Variants in ASTN2 observed in about 807,000 individuals in gnomAD.
ASTN2 encodes astrotactin 2.
A neutral mutation model predicts 139.8 loss-of-function variants in ASTN2; 54 were observed. The observed-to-expected ratio is 0.39, with a 90% CI of 0.31 to 0.48. ASTN2 has a LOEUF of 0.48. Ranked by LOEUF, ASTN2 falls within the 20% of genes least tolerant of loss-of-function variation. ASTN2 has a pLI of 0.95. For missense variants in ASTN2, 1,565 were observed against 1,725.1 expected, an observed-to-expected ratio of 0.91 and a Z score of 1.64; for synonymous variants, 756 against 719.5, an observed-to-expected ratio of 1.05 and a Z score of -0.81.
intron 1 of ASTN2, among the ~76,000 whole-genome samples, chr9:117,395,594 A>G (rs1485554423): frequency 1.3e-5 from 2 of 152,318 alleles, no homozygotes; most frequent in East Asian, 3.9e-4. Context: ...TTCTGTGTTC[A>G]TAAGTAGCCT....
intron 11 of ASTN2, among the ~76,000 whole-genome samples, chr9:116,825,035 T>C: frequency 6.6e-6 from 1 of 152,194 alleles, no homozygotes; most frequent in Non-Finnish European, 1.5e-5. Context: ...ACATCTAATG[T>C]ACTAGAAGAG....
intron 11 of ASTN2, among the ~76,000 whole-genome samples, chr9:116,836,880 A>C (rs1832012994): frequency 6.6e-6 from 1 of 150,788 alleles, no homozygotes; most frequent in African/African-American, 2.4e-5. Flanking sequence ...AGAGCTAAGA[A>C]TGGCTTTTAC....
At chr9:116,953,270 A>C (rs903451581) in intron 10 of ASTN2, among the ~76,000 whole-genome samples, 3 of 152,232 alleles carry the variant, frequency 2.0e-5, no homozygotes, top group Non-Finnish European at 4.4e-5. Flanking sequence ...TGGGGTGCCC[A>C]AAGCCACAAA....
At chr9:117,171,750 A>C (rs1177734456) in intron 3 of ASTN2, among the ~76,000 whole-genome samples, 1 of 152,008 alleles carries the variant, frequency 6.6e-6, no homozygotes, top group African/African-American at 2.4e-5. Context: ...CATAATTGTA[A>C]GTTTAAGTTT....
chr9:117,168,675 T>C (rs933082), intron 3 of ASTN2, among the ~76,000 whole-genome samples: 86,193 of 151,932 alleles, frequency 0.57, 24,521 homozygotes, highest in East Asian at 0.69. Flanking sequence ...GTATAAAGCC[T>C]TCAGTCATTA....
chr9:116,471,607 T>G (rs1848816505), intron 20 of ASTN2, among the ~76,000 whole-genome samples: 3 of 146,982 alleles, frequency 2.0e-5, no homozygotes, highest in African/African-American at 2.5e-5. Flanking sequence ...GTAAAGGGGG[T>G]GGAGGGAGGG....
chr9:116,823,359 T>C (rs952947379), intron 11 of ASTN2, among the ~76,000 whole-genome samples: 1 of 152,188 alleles, frequency 6.6e-6, no homozygotes, highest in African/African-American at 2.4e-5. Flanking sequence ...CACCCTGTCA[T>C]TTACTGACTG....
intron 16 of ASTN2, among the ~76,000 whole-genome samples, chr9:116,711,225 G>C (rs955579649): frequency 2.0e-5 from 3 of 152,096 alleles, no homozygotes; most frequent in Non-Finnish European, 2.9e-5. Flanking sequence ...CAATGAAATG[G>C]GCATATTAAC....
intron 13 of ASTN2, among the ~76,000 whole-genome samples, chr9:116,759,094 T>A (rs965204328): frequency 6.6e-6 from 1 of 152,006 alleles, no homozygotes; most frequent in Admixed American, 6.5e-5. Context: ...CCCAGGCTGG[T>A]CTCTAACTCC....
chr9:116,578,373 T>C (rs1387445355), intron 19 of ASTN2, among the ~76,000 whole-genome samples: 1 of 152,150 alleles, frequency 6.6e-6, no homozygotes, highest in Non-Finnish European at 1.5e-5. Context: ...ACGTCCTTTT[T>C]TCTAGAATTC....
intron 1 of ASTN2, among the ~76,000 whole-genome samples, chr9:117,350,728 T>C (rs894353505): frequency 2.0e-5 from 3 of 152,074 alleles, no homozygotes; most frequent in Non-Finnish European, 4.4e-5. Flanking sequence ...GGCTGGGAAA[T>C]GAAGACAATA....
intron 16 of ASTN2, among the ~76,000 whole-genome samples, chr9:116,723,243 AT>A (rs905045021): frequency 1.3e-5 from 2 of 152,044 alleles, no homozygotes; most frequent in African/African-American, 4.8e-5. Flanking sequence ...AATGCCCACA[AT>A]TTTTACTTTA....
rs57428022 is a variant in ASTN2 at position 117,374,369 on chromosome 9, TAAAAA to T, written c.442+40123_442+40127del. 1.1e-3 allele frequency among the ~76,000 whole-genome samples: 99 copies of T among 87,322 alleles called. 1 individual carries two copies. Among genetic ancestry groups the T allele is most frequent in the Middle Eastern group, 6.6e-3 (1 of 152 alleles). The allele number at this position is 87,322 out of a possible 152,430, so 57.3% of individuals were successfully genotyped here. On this transcript the variant is annotated intron_variant, in intron 1 of 22. Transcript: ENST00000313400. ...TTATGAGGCTGCATAAGGGCAGGGTTAAAAAAAAAAAAAAAAAAAAAAAAGCACAG... is the reference window on the plus strand; with the variant it reads ...TTATGAGGCTGCATAAGGGCAGGGTTAAAAAAAAAAAAAAAAAAAGCACAG...
rs538794476 is a variant in ASTN2, at chr9:117,141,856, G to A, written c.1016-378C>T. Among the ~76,000 whole-genome samples the A allele has an allele frequency of 1.8e-4, 27 of 152,260 alleles. No homozygotes were observed. In the East Asian group the frequency reaches 5.0e-3, roughly 28 times the overall value. On this transcript the variant is annotated intron_variant, in intron 3 of 22. Transcript: ENST00000313400. ...TGTGCAATATTTTTGCAATAGAAGAGTACAAAATTCCAAAGGATCACTGAA... is the reference window on the plus strand; with the variant it reads ...TGTGCAATATTTTTGCAATAGAAGAATACAAAATTCCAAAGGATCACTGAA...
intron 4 of ASTN2, among the ~76,000 whole-genome samples, 155 bp from the exon 5 acceptor site, chr9:117,096,306 T>C (rs1828839949): frequency 6.6e-6 from 1 of 152,210 alleles, no homozygotes; most frequent in African/African-American, 2.4e-5. Flanking sequence ...AAGGAGTTCA[T>C]GCTCTGCAGT....
chr9:117,389,324 T>C (rs1411830039), intron 1 of ASTN2, among the ~76,000 whole-genome samples: 1 of 152,142 alleles, frequency 6.6e-6, no homozygotes, highest in African/African-American at 2.4e-5. Flanking sequence ...CAAACCTAAT[T>C]GCATTACACT....
intron 16 of ASTN2, among the ~76,000 whole-genome samples, chr9:116,693,555 G>A (rs749382323): frequency 6.6e-6 from 1 of 152,198 alleles, no homozygotes; most frequent in Non-Finnish European, 1.5e-5. Flanking sequence ...GGGATGTACA[G>A]TATTAATCAT....
At chr9:117,361,887 G>A (rs1829702180) in intron 1 of ASTN2, among the ~76,000 whole-genome samples, 2 of 152,162 alleles carry the variant, frequency 1.3e-5, no homozygotes, top group African/African-American at 4.8e-5. Flanking sequence ...ATACCCAGCA[G>A]ATAACATGTA....
intron 8 of ASTN2, 29 bp downstream of exon 8, chr9:116,976,672 T>C (rs199562568): frequency 4.3e-6 from 7 of 1,610,622 alleles, no homozygotes. Flanking sequence ...TCCTGCACTG[T>C]CCTGGACCTG....
Sources: gnomAD v4.1 joint callset for allele counts (sites outside exome capture counted in the v4.1 genomes callset) on GRCh38, gnomAD v4.1.1 for gene constraint, MANE v1.5 for transcripts, NCBI Gene and HGNC (gene_info 2026-07-23, HGNC 2026-07-21) for gene names.